The following TMEM35B variants were observed in gnomAD, a reference collection of about 807,000 sequenced individuals.
TMEM35B encodes ZMYM6 neighbor protein.
In TMEM35B, 6 loss-of-function variants were observed where a neutral mutation model predicts 8.7. That is an observed-to-expected ratio of 0.69 (90% confidence interval 0.38 to 1.36). The LOEUF is 1.36. Ranked by LOEUF, TMEM35B falls within the 40% of genes most tolerant of loss-of-function variation. TMEM35B has a pLI of 0.02. For synonymous variants in TMEM35B, 89 were observed against 87.0 expected (o/e 1.02, Z -0.13); for missense variants, 176 against 181.6 (o/e 0.97, Z 0.18).
intron 1 of TMEM35B, among the ~76,000 whole-genome samples, chr1:34,984,673 C>T (rs1640545253): frequency 6.6e-6 from 1 of 152,092 alleles, no homozygotes; most frequent in Non-Finnish European, 1.5e-5. Context: ...CTCAGGCTTC[C>T]GAGAGAGGCT....
chr1:34,984,158 A>G (rs1052054058), intron 1 of TMEM35B, among the ~76,000 whole-genome samples: 2 of 152,230 alleles, frequency 1.3e-5, no homozygotes, highest in African/African-American at 4.8e-5. Flanking sequence ...CCATGCTCCA[A>G]GTGGTACAGA....
In TMEM35B at chr1:34,982,838, C is replaced by A. The variant is rs184018186; in HGVS notation, c.290-719G>T. ...ATGGAGGGAAGGACTAGCCCAGGGG[C>A]TGTTGGTTGGAGGTATGGGAAAGAT... On this transcript the variant is annotated intron_variant, in intron 2 of 2. Transcript: ENST00000373337. 2.9e-3 allele frequency among the ~76,000 whole-genome samples: 447 copies of A among 152,256 alleles called. 2 individuals are homozygous for A. The highest frequency in any genetic ancestry group is 1.0e-2 in the African/African-American group (415 of 41,544).
chr1:34,985,156 C>T (rs1272205512), intron 1 of TMEM35B, 42 bp downstream of exon 1: 3 of 1,472,920 alleles, frequency 2.0e-6, no homozygotes, highest in Middle Eastern at 2.0e-4. Flanking sequence ...GAGCACACGC[C>T]GCCGCGGGCC....
intron 2 of TMEM35B, among the ~76,000 whole-genome samples, chr1:34,983,149 G>C (rs978345072): frequency 1.3e-5 from 2 of 152,188 alleles, no homozygotes; most frequent in Non-Finnish European, 2.9e-5. Flanking sequence ...TCCTAGGAGT[G>C]GATGTGTGGA....
rs1640512196 is a variant in TMEM35B at position 34,982,051 on chromosome 1, C to T, written c.358G>A (p.Gly120Arg). The change falls in exon 3 of 3, where the codon GGG becomes AGG. Residue 120 changes from glycine (G) to arginine (R), a missense_variant. By Grantham distance (125) the Gly-to-Arg change is moderately radical. Coordinates refer to ENST00000373337, the Ensembl canonical transcript of TMEM35B. ...CCGACATTCAGCAGCAGCAGGAACC[C>T]CAGGCAGACAATGGCTGGGATACAG... The T allele has an allele frequency of 1.9e-6, 3 of 1,549,778 alleles. No homozygotes were observed. The East Asian group carries it at 7.3e-5, about 38-fold the overall frequency.
At chr1:34,985,251 C>T (rs1456503704) in exon 1 of TMEM35B, 13 of 1,546,028 alleles carry the variant, frequency 8.4e-6, no homozygotes, top group South Asian at 1.2e-5. Flanking sequence ...GCCAACCCCA[C>T]GAGCGCGAAG....
intron 1 of TMEM35B, among the ~76,000 whole-genome samples, chr1:34,984,808 T>C (rs887109769): frequency 6.6e-6 from 1 of 151,874 alleles, no homozygotes; most frequent in African/African-American, 2.4e-5. Flanking sequence ...CCAGGATTAC[T>C]ACACCCCAAC....
exon 2 of TMEM35B, chr1:34,983,813 C>T (rs1471952256): frequency 9.7e-6 from 15 of 1,543,684 alleles, no homozygotes; most frequent in Admixed American, 4.0e-5. Context: ...CTTGCAGCAT[C>T]GGTGGGCCCA....
intron 1 of TMEM35B, 99 bp downstream of exon 1, chr1:34,985,099 A>C (rs1640552326): frequency 2.2e-6 from 2 of 914,576 alleles, no homozygotes; most frequent in Non-Finnish European, 3.0e-6. Context: ...TGAGCCTCGG[A>C]AGCCCGAAGG....
At chr1:34,983,669 G>A in intron 2 of TMEM35B, 98 bp downstream of exon 2, 1 of 1,054,886 alleles carries the variant, frequency 9.5e-7, no homozygotes, top group Non-Finnish European at 1.3e-6. Flanking sequence ...TGATCCCAGA[G>A]AAAAAAGAAG....
exon 3 of TMEM35B, chr1:34,982,119 C>G (rs1451052418): frequency 3.9e-6 from 6 of 1,541,906 alleles, no homozygotes; most frequent in Non-Finnish European, 4.4e-6. Context: ...GAAGATAGCC[C>G]CTGGAATGGA....
At chr1:34,982,212 C>G in intron 2 of TMEM35B, 93 bp from the exon 3 acceptor site, 1 of 1,109,598 alleles carries the variant, frequency 9.0e-7, no homozygotes, top group Non-Finnish European at 1.2e-6. Flanking sequence ...CCCACTCCAG[C>G]CCAAGCCCTC....
chr1:34,985,119 G>C, intron 1 of TMEM35B, 79 bp downstream of exon 1: 3 of 1,173,944 alleles, frequency 2.6e-6, no homozygotes, highest in Non-Finnish European at 3.4e-6. Flanking sequence ...GCGGCCTGCC[G>C]GGCCGGGGGC....
chr1:34,985,257 CG>C lies in TMEM35B; in HGVS notation c.48del (p.Phe16LeufsTer21), dbSNP rs953802485. ...GAGAGCTTGGCCAACCCCACGAGCG[CG>C]AAGAAGCCGCCCAGCAGTACACGCA... On this transcript the variant is annotated frameshift_variant, in exon 1 of 3. Coordinates refer to ENST00000373337, the Ensembl canonical transcript of TMEM35B. LOFTEE classifies it high-confidence loss of function. 1 of 1,545,606 alleles carries C rather than the reference CG, an allele frequency of 6.5e-7. No individual in the cohort carries two copies. Among genetic ancestry groups the C allele is most frequent in the Non-Finnish European group, 8.7e-7 (1 of 1,145,178 alleles).
rs1569727385 is a variant in TMEM35B at position 34,985,110 on chromosome 1, C to A, written c.108+88G>T. ...CAGCTGAGCCTCGGAAGCCCGAAGGCGGCCTGCCGGGCCGGGGGCGAGGAG... is the reference window on the plus strand; with the variant it reads ...CAGCTGAGCCTCGGAAGCCCGAAGGAGGCCTGCCGGGCCGGGGGCGAGGAG... On this transcript the variant is annotated intron_variant, in intron 1 of 2. Coordinates refer to ENST00000373337, the Ensembl canonical transcript of TMEM35B. 7 of 1,053,668 alleles carry A rather than the reference C, an allele frequency of 6.6e-6. No individual in the cohort carries two copies. The East Asian group carries it at 2.0e-4, about 29-fold the overall frequency. 65.3% of individuals were successfully genotyped at this position (1,053,668 alleles called of 1,614,324 possible).
chr1:34,983,840 A>C, exon 2 of TMEM35B: 1 of 1,546,998 alleles, frequency 6.5e-7, no homozygotes, highest in Non-Finnish European at 8.7e-7. Context: ...GCAGCAACCC[A>C]GCCAGCAGTT....
chr1:34,982,416 T>C (rs1027986681), intron 2 of TMEM35B, among the ~76,000 whole-genome samples: 1 of 138,006 alleles, frequency 7.2e-6, no homozygotes, highest in African/African-American at 3.4e-5. Context: ...CTAGAGTGGA[T>C]AGATTTTAGA....
At chr1:34,983,906 C>A in exon 2 of TMEM35B, 1 of 1,538,312 alleles carries the variant, frequency 6.5e-7, no homozygotes, top group Non-Finnish European at 8.8e-7. Flanking sequence ...AGCCAAATAC[C>A]TTCAGCGGGA....
intron 2 of TMEM35B, among the ~76,000 whole-genome samples, 196 bp downstream of exon 2, chr1:34,983,571 T>TC (rs1165747862): frequency 1.3e-5 from 1 of 76,062 alleles, no homozygotes; most frequent in Non-Finnish European, 1.9e-5. Context: ...AGAGCGAGAC[T>TC]CCATCTCAAA....
Sources: allele counts gnomAD v4.1 joint callset (sites outside exome capture counted in the v4.1 genomes callset), GRCh38; gene constraint gnomAD v4.1.1; transcripts MANE v1.5; gene names NCBI Gene and HGNC (gene_info 2026-07-23, HGNC 2026-07-21).